The following TPGS2 variants were observed in gnomAD, a reference collection of about 807,000 sequenced individuals.
The protein encoded by TPGS2 is polyglutamylase subunit 2.
TPGS2 carries 26 observed loss-of-function variants against 31.1 expected under a neutral mutation model. That is an observed-to-expected ratio of 0.84 (90% CI 0.61 to 1.16). The LOEUF (loss-of-function observed/expected upper bound fraction) is 1.16, where lower values mean the gene tolerates loss of function less well. Among genes scored for constraint, TPGS2 ranks in the 50% most tolerant of loss-of-function variants. TPGS2 has a pLI of 0.00. For missense variants in TPGS2, 351 were observed against 363.8 expected (o/e 0.96, Z 0.29); for synonymous variants, 130 against 136.6 (o/e 0.95, Z 0.34).
intron 4 of TPGS2, among the ~76,000 whole-genome samples, chr18:36,800,757 T>A (rs1447470781): frequency 6.6e-6 from 1 of 151,764 alleles, no homozygotes; most frequent in Non-Finnish European, 1.5e-5. Context: ...TGGCATAATC[T>A]CGGCTCACTG....
At chr18:36,787,354 C>T (rs1178435746) in intron 6 of TPGS2, among the ~76,000 whole-genome samples, 1 of 152,154 alleles carries the variant, frequency 6.6e-6, no homozygotes, top group African/African-American at 2.4e-5. Flanking sequence ...AGACTTCGCC[C>T]CTAATAGTAT....
At chr18:36,803,915 A>C (rs567723460) in intron 4 of TPGS2, among the ~76,000 whole-genome samples, 1 of 151,306 alleles carries the variant, frequency 6.6e-6, no homozygotes, top group Non-Finnish European at 1.5e-5. Flanking sequence ...TAGTGACGGG[A>C]TCTCACTATT....
intron 2 of TPGS2, among the ~76,000 whole-genome samples, chr18:36,818,239 C>G (rs1421827039): frequency 6.6e-6 from 1 of 152,276 alleles, no homozygotes; most frequent in East Asian, 1.9e-4. Flanking sequence ...TAGGGCAGGT[C>G]TCCAGACAAT....
intron 1 of TPGS2, 58 bp from the exon 2 acceptor site, chr18:36,819,031 C>T (rs377560814): frequency 3.8e-4 from 546 of 1,418,640 alleles, no homozygotes; most frequent in Non-Finnish European, 4.7e-4. Flanking sequence ...TACATTTCTA[C>T]GCTAGTTGTT....
At chr18:36,808,064 A>G (rs1329736642) in intron 2 of TPGS2, 130 bp from the exon 3 acceptor site, 3 of 861,644 alleles carry the variant, frequency 3.5e-6, no homozygotes, top group Non-Finnish European at 5.4e-6. Context: ...ATAGTCACCT[A>G]CAAAACTCTA....
chr18:36,796,657 T>C lies in TPGS2; in HGVS notation c.*148A>G. On this transcript the variant is annotated 3_prime_UTR_variant, in exon 7 of 7. Transcript: ENST00000334295. ...GAGGCCTCACTACGAGCCTGGCTAA[T>C]GTCGGTGGGACTAAAAGCCTTACAA... 2.1e-6 allele frequency: 3 copies of C among 1,425,378 alleles called. No homozygotes were observed. The South Asian group carries it at 5.3e-5, about 25-fold the overall frequency. The allele number at this position is 1,425,378 out of a possible 1,614,324, so 88.3% of individuals were successfully genotyped here. A position where few individuals can be genotyped will look rare whatever the true frequency, so the allele number is the denominator to read the frequency against.
At chr18:36,800,449 A>G (rs2044751301) in intron 4 of TPGS2, 138 bp from the exon 5 acceptor site, 1 of 722,346 alleles carries the variant, frequency 1.4e-6, no homozygotes, top group East Asian at 2.6e-5. Context: ...ATTTACAAAT[A>G]AATTCTGTAT....
chr18:36,820,663 G>A (rs1474553297), intron 1 of TPGS2, among the ~76,000 whole-genome samples: 1 of 152,218 alleles, frequency 6.6e-6, no homozygotes, highest in Non-Finnish European at 1.5e-5. Flanking sequence ...GAGGTTCAAA[G>A]ATGTTAAGTA....
Position 36,808,338 on chromosome 18 carries a change from A to C in TPGS2, c.166-404T>G, listed in dbSNP as rs117079664. Among the ~76,000 whole-genome samples the C allele has an allele frequency of 3.0e-4, 46 of 152,258 alleles. No individual in the cohort carries two copies. The East Asian group carries it at 8.5e-3, about 28-fold the overall frequency. On this transcript the variant is annotated intron_variant, in intron 2 of 6. Coordinates refer to ENST00000334295, the MANE Select transcript of TPGS2 (RefSeq NM_015476.4). Reference sequence around the variant, plus strand: ...TGGTCATATATTATTTTCTGAAACAAATTATTGGACAAATGAGAGCATCTT... The same window carrying C: ...TGGTCATATATTATTTTCTGAAACACATTATTGGACAAATGAGAGCATCTT...
chr18:36,791,837 G>A (rs1354947106), downstream of TPGS2, among the ~76,000 whole-genome samples: 2 of 152,010 alleles, frequency 1.3e-5, no homozygotes, highest in African/African-American at 4.8e-5. Context: ...TTCAAGACAA[G>A]TCTAGGCAAC....
At chr18:36,828,081 T>C (rs1311416058) in intron 1 of TPGS2, among the ~76,000 whole-genome samples, 1 of 152,058 alleles carries the variant, frequency 6.6e-6, no homozygotes, top group Admixed American at 6.6e-5. Flanking sequence ...GGCAGGAGAA[T>C]TGCTTGAACC....
intron 6 of TPGS2, among the ~76,000 whole-genome samples, chr18:36,784,614 T>G (rs2044088383): frequency 1.3e-5 from 2 of 152,224 alleles, no homozygotes; most frequent in South Asian, 4.1e-4. Flanking sequence ...ATGGACTTTC[T>G]AAGTGATTTC....
At chr18:36,813,041 G>A (rs1018718656) in intron 2 of TPGS2, among the ~76,000 whole-genome samples, 10 of 152,212 alleles carry the variant, frequency 6.6e-5, no homozygotes, top group African/African-American at 2.4e-4. Flanking sequence ...GCTTAACATT[G>A]TCAGGACTGA....
intron 1 of TPGS2, among the ~76,000 whole-genome samples, chr18:36,819,872 A>G (rs190611189): frequency 1.3e-5 from 2 of 152,354 alleles, no homozygotes; most frequent in Admixed American, 1.3e-4. Flanking sequence ...GTAGATCCCT[A>G]GTCCAATGAT....
At chr18:36,789,303 T>C (rs538111187), downstream of TPGS2, 1 of 152,326 alleles carries the variant, frequency 6.6e-6, no homozygotes, top group East Asian at 1.9e-4. Context: ...AATTATAATA[T>C]AAAACAAGCC....
chr18:36,826,707 T>G (rs1455028894), intron 1 of TPGS2, among the ~76,000 whole-genome samples: 3 of 152,200 alleles, frequency 2.0e-5, no homozygotes, highest in Admixed American at 6.5e-5. Flanking sequence ...ATCATAGCCA[T>G]GAGTAGGACT....
intron 4 of TPGS2, among the ~76,000 whole-genome samples, chr18:36,801,148 A>G (rs72883566): frequency 1.4e-4 from 21 of 152,294 alleles, no homozygotes; most frequent in Middle Eastern, 3.4e-3. Flanking sequence ...GAATGCTACA[A>G]TAATCTTCTC....
At chr18:36,813,194 T>C (rs1600810338) in intron 2 of TPGS2, among the ~76,000 whole-genome samples, 1 of 152,278 alleles carries the variant, frequency 6.6e-6, no homozygotes, top group Admixed American at 6.5e-5. Context: ...TAGGTAAGTG[T>C]TGTGGAGCTG....
chr18:36,816,788 T>C (rs1327197233), intron 2 of TPGS2, among the ~76,000 whole-genome samples: 1 of 152,170 alleles, frequency 6.6e-6, no homozygotes, highest in Non-Finnish European at 1.5e-5. Flanking sequence ...TTTGTATTTT[T>C]AGTAGAGACG....
Sources: gnomAD v4.1 joint callset for allele counts (sites outside exome capture counted in the v4.1 genomes callset) on GRCh38, gnomAD v4.1.1 for gene constraint, MANE v1.5 for transcripts, NCBI Gene and HGNC (gene_info 2026-07-23, HGNC 2026-07-21) for gene names.